The following GYG2 variants were observed in gnomAD, a reference collection of about 807,000 sequenced individuals.
GYG2 encodes glycogenin-2.
GYG2 carries 29 observed loss-of-function variants against 29.4 expected under a neutral mutation model. That is an observed-to-expected ratio of 0.99 (90% confidence interval 0.74 to 1.35). The LOEUF is 1.35. Among genes scored for constraint, GYG2 ranks in the 40% most tolerant of loss-of-function variants. GYG2 has a pLI of 0.00. For synonymous variants in GYG2, 167 were observed against 172.3 expected, an observed-to-expected ratio of 0.97 and a Z score of 0.24; for missense variants, 370 against 385.7, an observed-to-expected ratio of 0.96 and a Z score of 0.34.
At chrX:2,874,946 A>G (rs2088561198) in intron 8 of GYG2, among the ~76,000 whole-genome samples, 1 of 111,555 alleles carries the variant, frequency 9.0e-6, no homozygotes, top group Admixed American at 9.5e-5. Flanking sequence ...TTCAGTGAGG[A>G]TGTCAGTGTT....
intron 3 of GYG2, among the ~76,000 whole-genome samples, chrX:2,844,678 A>G (rs1285696149): frequency 2.0e-5 from 1 of 50,024 alleles, no homozygotes; most frequent in Non-Finnish European, 3.4e-5. Context: ...GTGTATACGC[A>G]CACGCATGCG....
chrX:2,878,432 T>G (rs182998626), intron 10 of GYG2, among the ~76,000 whole-genome samples: 141 of 111,778 alleles, frequency 1.3e-3, no homozygotes, highest in African/African-American at 4.4e-3. Flanking sequence ...AACCAGCTAA[T>G]TTTTTATTTT....
intron 2 of GYG2, among the ~76,000 whole-genome samples, chrX:2,830,935 A>T (rs930741584): frequency 2.7e-5 from 3 of 111,787 alleles, no homozygotes; most frequent in Non-Finnish European, 3.8e-5. Context: ...AAACAACAAC[A>T]AAATAAGAAT....
intron 8 of GYG2, among the ~76,000 whole-genome samples, chrX:2,864,466 G>A (rs778585573): frequency 9.1e-6 from 1 of 109,715 alleles, no homozygotes; most frequent in Non-Finnish European, 1.9e-5. Context: ...GCAGAGGGGG[G>A]ACTGAATAGA....
At chrX:2,856,800 A>ATCTG (rs2088012219) in intron 6 of GYG2, among the ~76,000 whole-genome samples, 176 bp downstream of exon 6, 1 of 1,272 alleles carries the variant, frequency 7.9e-4, no homozygotes, top group Non-Finnish European at 0.021. Context: ...TCTATCTATC[A>ATCTG]TCTATCTATC....
At chrX:2,869,074 C>G (rs73435411) in intron 8 of GYG2, among the ~76,000 whole-genome samples, 1 of 110,254 alleles carries the variant, frequency 9.1e-6, no homozygotes, top group Admixed American at 9.7e-5. Context: ...GCTCACCCTC[C>G]GCATCTATGG....
At chrX:2,879,162 T>G (rs1439090965) in intron 10 of GYG2, among the ~76,000 whole-genome samples, 16 of 110,808 alleles carry the variant, frequency 1.4e-4, no homozygotes, top group African/African-American at 3.9e-4. Flanking sequence ...GGCAAGTAAT[T>G]AGAGAAGAAA....
Position 2,854,154 on chromosome X carries a change from G to C in GYG2, c.324G>C (p.Leu108=). The change falls in exon 4 of 11, where the codon CTG becomes CTC. Residue 108 remains leucine (L), a splice_region_variant and synonymous_variant. Coordinates refer to ENST00000398806, the MANE Select transcript of GYG2 (RefSeq NM_001079855.2). ...GTGTCTTCCTGGATGCAGACACTCT[G>C]GTGAGTGAAGACTCTCTGCTTGATA... ...SKCVFLDADT[L]VLSNVDELFD... is the part of the protein sequence containing the mutation. The C allele has an allele frequency of 5.2e-6, 6 of 1,157,687 alleles. No homozygotes were observed. The highest frequency in any genetic ancestry group is 7.0e-6 in the Non-Finnish European group (6 of 855,259).
chrX:2,875,534 C>G (rs1206576896), intron 8 of GYG2, among the ~76,000 whole-genome samples: 1 of 100,902 alleles, frequency 9.9e-6, no homozygotes, highest in Non-Finnish European at 2.0e-5. Flanking sequence ...TCACTCACAT[C>G]ACCTCCTCAC....
At chrX:2,862,990 GTCAAGGCTGTAGTGAGC>G (rs757204914) in intron 8 of GYG2, among the ~76,000 whole-genome samples, 74 of 109,998 alleles carry the variant, frequency 6.7e-4, no homozygotes, top group Non-Finnish European at 1.0e-3. Flanking sequence ...AGCCTTGGAG[GTCAAGGCTGTAGTGAGC>G]TATAATCTCA....
rs142906740 is a variant in GYG2, at chrX:2,872,453, A to G, written c.1039-3357A>G. Among the ~76,000 whole-genome samples, 721 of 112,404 alleles carry G rather than the reference A, an allele frequency of 6.4e-3. 6 individuals are homozygous for G. Among genetic ancestry groups the G allele is most frequent in the African/African-American group, 0.02 (632 of 31,008 alleles). The stretch of plus-strand genomic sequence containing the variant: ...TTTCGGCTGTTAATATTACTTGTTA[A>G]GTAAGCCTCTGGGTCTTGATTAGAA... On this transcript the variant is annotated intron_variant, in intron 8 of 10. Coordinates refer to ENST00000398806, the MANE Select transcript of GYG2 (RefSeq NM_001079855.2).
chrX:2,848,946 G>A (rs1452437537), intron 3 of GYG2, among the ~76,000 whole-genome samples: 1 of 110,981 alleles, frequency 9.0e-6, no homozygotes, highest in Non-Finnish European at 1.9e-5. Context: ...CTCTGCGGTG[G>A]TCAGGGCAGT....
At chrX:2,854,888 A>C (rs2087945682) in intron 4 of GYG2, 105 bp from the exon 5 acceptor site, 1 of 918,672 alleles carries the variant, frequency 1.1e-6, no homozygotes, top group African/African-American at 2.0e-5. Context: ...GCCGAGACTG[A>C]AGCACTGCAC....
At position 2,828,942 on chromosome X, in the gene GYG2, G is replaced by A. The variant is rs2087188448; in HGVS notation, c.-162G>A. 1 of 110,910 alleles carries A rather than the reference G, an allele frequency of 9.0e-6. No homozygotes were observed. The highest frequency in any genetic ancestry group is 9.4e-5 in the Admixed American group (1 of 10,666). 9.1% of individuals were successfully genotyped at this position (110,910 alleles called of 1,213,427 possible). On this transcript the variant is annotated 5_prime_UTR_variant, in exon 1 of 11. Coordinates refer to ENST00000398806, the MANE Select transcript of GYG2 (RefSeq NM_001079855.2). ...CGCTGCCCTCGGGGCCTCCAGCGCCGGCTCTGGGCCGAGGCAGCCAGAGCG... is the reference window on the plus strand; with the variant it reads ...CGCTGCCCTCGGGGCCTCCAGCGCCAGCTCTGGGCCGAGGCAGCCAGAGCG...
Position 2,861,553 on chromosome X carries a change from C to T in GYG2, c.869C>T (p.Ala290Val), listed in dbSNP as rs145588189. The change falls in exon 8 of 11, where the codon GCG (alanine) becomes GTG (valine). Residue 290 changes from alanine (A) to valine (V), a missense_variant. Transcript: ENST00000398806. Reference protein sequence around the residue: ...LCHSDVGGPCADSASGVGEPC... With the variant: ...LCHSDVGGPCVDSASGVGEPC... ...CACAGTGATGTGGGGGGGCCGTGTGCGGATTCAGCCTCTGGTGTTGGAGAG... is the reference window on the plus strand; with the variant it reads ...CACAGTGATGTGGGGGGGCCGTGTGTGGATTCAGCCTCTGGTGTTGGAGAG... 182 of 1,205,694 alleles carry T rather than the reference C, an allele frequency of 1.5e-4. No homozygotes were observed. The African/African-American group carries it at 3.0e-3, about 20-fold the overall frequency.
intron 5 of GYG2, among the ~76,000 whole-genome samples, chrX:2,855,745 G>A (rs1273214716): frequency 9.0e-6 from 1 of 111,113 alleles, no homozygotes; most frequent in Non-Finnish European, 1.9e-5. Context: ...AGGCAACGTG[G>A]CAAGACCCCA....
intron 2 of GYG2, among the ~76,000 whole-genome samples, chrX:2,836,753 G>A (rs2087381838): frequency 9.2e-6 from 1 of 108,848 alleles, no homozygotes; most frequent in African/African-American, 3.4e-5. Flanking sequence ...CGGGTAGATT[G>A]CCTGAGCCCA....
chrX:2,856,319 C>T (rs1261398314), intron 5 of GYG2, among the ~76,000 whole-genome samples, 179 bp from the exon 6 acceptor site: 1 of 111,313 alleles, frequency 9.0e-6, no homozygotes, highest in Non-Finnish European at 1.9e-5. Flanking sequence ...TTATCAATGG[C>T]TTGGGTTATC....
chrX:2,876,042 T>C (rs1190689421), intron 9 of GYG2, 128 bp downstream of exon 9: 7 of 129,478 alleles, frequency 5.4e-5, no homozygotes, highest in Middle Eastern at 2.1e-3. Context: ...CCTTTTTTTT[T>C]TTTTTTTTTT....
Sources: gnomAD v4.1 joint callset for allele counts (sites outside exome capture counted in the v4.1 genomes callset) on GRCh38, gnomAD v4.1.1 for gene constraint, MANE v1.5 for transcripts, NCBI Gene and HGNC (gene_info 2026-07-23, HGNC 2026-07-21) for gene names.